Variants in PLEKHA5 observed in about 807,000 individuals in gnomAD.
The protein encoded by PLEKHA5 is pleckstrin homology domain-containing family A member 5.
In PLEKHA5, 55 loss-of-function variants were observed where a neutral mutation model predicts 181.9. The ratio of observed to expected loss-of-function variants is 0.30; its 90% CI spans 0.24 to 0.38. The LOEUF is 0.38. PLEKHA5 is among the 10% of genes least tolerant of loss of function. PLEKHA5 has a pLI of 1.00. For missense variants in PLEKHA5, 1,432 were observed against 1,549.5 expected (o/e 0.92, Z 1.27); for synonymous variants, 535 against 529.4 (o/e 1.01, Z -0.15).
intron 21 of PLEKHA5, among the ~76,000 whole-genome samples, chr12:19,337,386 C>A (rs909054056): frequency 6.6e-6 from 1 of 151,346 alleles, no homozygotes. Context: ...AACCCTGTCT[C>A]TACTATAAAT....
chr12:19,230,898 C>T (rs1171518073), intron 3 of PLEKHA5, among the ~76,000 whole-genome samples: 1 of 152,212 alleles, frequency 6.6e-6, no homozygotes, highest in African/African-American at 2.4e-5. Context: ...TGCCACCACA[C>T]TGTCACCTCT....
At chr12:19,283,240 C>A in intron 11 of PLEKHA5, 40 bp from the exon 12 acceptor site, 3 of 1,228,744 alleles carry the variant, frequency 2.4e-6, no homozygotes, top group East Asian at 2.6e-5. Context: ...GGAAAATAAC[C>A]CTCCTTCATG....
intron 3 of PLEKHA5, among the ~76,000 whole-genome samples, chr12:19,135,784 G>A (rs1469727794): frequency 6.6e-6 from 1 of 151,592 alleles, no homozygotes; most frequent in Non-Finnish European, 1.5e-5. Flanking sequence ...TTTAATACAA[G>A]TTTGCAGCTA....
intron 3 of PLEKHA5, among the ~76,000 whole-genome samples, chr12:19,165,723 G>A (rs2044200657): frequency 6.6e-6 from 1 of 152,114 alleles, no homozygotes; most frequent in Non-Finnish European, 1.5e-5. Flanking sequence ...CCTACACTTA[G>A]TAGTTTGTAC....
At chr12:19,303,471 A>G (rs1296193690) in intron 15 of PLEKHA5, 1 of 152,198 alleles carries the variant, frequency 6.6e-6, no homozygotes, top group South Asian at 2.1e-4. Context: ...TTTAAAAGCT[A>G]CTAAAGTAGC....
Position 19,290,804 on chromosome 12 carries a change from A to G in PLEKHA5, c.1983+8A>G, listed in dbSNP as rs2078234310. ...GAGGCCCACAGCCCAAAGGTCAGCT[A>G]TGGAGAGATTTGTCTGTGTCGTCTG... On this transcript the variant is annotated splice_region_variant and intron_variant, in intron 14 of 31. Transcript: ENST00000429027. 3.3e-6 allele frequency: 5 copies of G among 1,524,884 alleles called. No homozygotes were observed. Among genetic ancestry groups the G allele is most frequent in the Non-Finnish European group, 4.4e-6 (5 of 1,139,590 alleles). 94.5% of individuals were successfully genotyped at this position (1,524,884 alleles called of 1,614,324 possible). A position where few individuals can be genotyped will look rare whatever the true frequency, so the allele number is the denominator to read the frequency against.
At chr12:19,243,220 C>T (rs1459339376) in intron 3 of PLEKHA5, 1 of 152,366 alleles carries the variant, frequency 6.6e-6, no homozygotes, top group Non-Finnish European at 1.5e-5. Flanking sequence ...TGAGAAGTCT[C>T]ATTGGCTGTG....
intron 21 of PLEKHA5, among the ~76,000 whole-genome samples, chr12:19,339,262 A>G (rs890811911): frequency 3.3e-5 from 5 of 152,060 alleles, no homozygotes; most frequent in African/African-American, 1.2e-4. Flanking sequence ...GCTGGTCTTG[A>G]ACACCTGACC....
At chr12:19,158,931 A>G (rs1364092065) in intron 3 of PLEKHA5, among the ~76,000 whole-genome samples, 2 of 152,210 alleles carry the variant, frequency 1.3e-5, no homozygotes, top group African/African-American at 4.8e-5. Flanking sequence ...GTGATCAGAC[A>G]TCTCTATCAT....
intron 3 of PLEKHA5, among the ~76,000 whole-genome samples, chr12:19,193,075 A>G (rs1592006770): frequency 6.6e-6 from 1 of 152,180 alleles, no homozygotes; most frequent in South Asian, 2.1e-4. Flanking sequence ...AAATTTGTTG[A>G]CCCCTGTTTC....
intron 3 of PLEKHA5, among the ~76,000 whole-genome samples, chr12:19,179,466 T>C (rs913108387): frequency 2.0e-5 from 3 of 151,936 alleles, no homozygotes; most frequent in Non-Finnish European, 2.9e-5. Flanking sequence ...AGACCAGCCT[T>C]ACCAACATGG....
intron 7 of PLEKHA5, among the ~76,000 whole-genome samples, chr12:19,264,384 A>G (rs1378595856): frequency 6.6e-6 from 1 of 151,284 alleles, no homozygotes; most frequent in Admixed American, 6.6e-5. Context: ...ACATAGAAGG[A>G]TGTATTATTT....
At chr12:19,303,514 C>T (rs1357436156) in intron 15 of PLEKHA5, 1 of 152,226 alleles carries the variant, frequency 6.6e-6, no homozygotes, top group Admixed American at 6.5e-5. Context: ...ATAGTCCCAG[C>T]TACCAGGTAG....
At chr12:19,293,069 A>G (rs1219165609) in intron 15 of PLEKHA5, among the ~76,000 whole-genome samples, 1 of 152,156 alleles carries the variant, frequency 6.6e-6, no homozygotes, top group African/African-American at 2.4e-5. Flanking sequence ...ACATTTTTTT[A>G]TATAAATCAA....
At chr12:19,267,780 A>C (rs1231515743) in intron 8 of PLEKHA5, among the ~76,000 whole-genome samples, 1 of 151,842 alleles carries the variant, frequency 6.6e-6, no homozygotes, top group Admixed American at 6.6e-5. Context: ...CTTGACCAAC[A>C]TGGAAAAACC....
chr12:19,222,833 A>G (rs73347013), intron 3 of PLEKHA5, among the ~76,000 whole-genome samples: 1,648 of 152,106 alleles, frequency 0.011, 33 homozygotes, highest in African/African-American at 0.035. Context: ...TGCCAAAGAC[A>G]TTCACTCGAT....
Position 19,174,157 on chromosome 12 carries a change from AC to A in PLEKHA5, c.227+41708del, listed in dbSNP as rs542817105. Among the ~76,000 whole-genome samples, 1,299 of 152,338 alleles carry A rather than the reference AC, an allele frequency of 8.5e-3. 3 individuals carry two copies. The highest frequency in any genetic ancestry group is 0.014 in the Non-Finnish European group (985 of 68,034). On this transcript the variant is annotated intron_variant, in intron 3 of 31. Transcript: ENST00000429027. Reference sequence around the variant, plus strand: ...TTTTATTTTAAGATATTTCTTTAATACAAGGATTGAAAAATTAAAACAATGT... The same window carrying A: ...TTTTATTTTAAGATATTTCTTTAATAAAGGATTGAAAAATTAAAACAATGT...
At position 19,155,636 on chromosome 12, in the gene PLEKHA5, ATAT is replaced by A. The variant is rs367699607; in HGVS notation, c.227+23192_227+23194del. On this transcript the variant is annotated intron_variant, in intron 3 of 31. Coordinates refer to ENST00000429027, the MANE Select transcript of PLEKHA5 (RefSeq NM_001256470.2). ...TGTTAACCATAGTCTTGGACATAAA[ATAT>A]TATTAGTCTTTATCTTGAATTTGTT... Among the ~76,000 whole-genome samples the A allele has an allele frequency of 1.7e-3, 257 of 152,346 alleles. 3 individuals carry two copies. In the East Asian group the frequency reaches 0.026, roughly 15 times the overall value.
chr12:19,234,781 C>A (rs1048445205), intron 3 of PLEKHA5, among the ~76,000 whole-genome samples: 1 of 152,138 alleles, frequency 6.6e-6, no homozygotes, highest in African/African-American at 2.4e-5. Context: ...TGTTTTGTTA[C>A]AGCTGTCTGA....
Sources: allele counts gnomAD v4.1 joint callset (sites outside exome capture counted in the v4.1 genomes callset), GRCh38; gene constraint gnomAD v4.1.1; transcripts MANE v1.5; gene names NCBI Gene and HGNC (gene_info 2026-07-23, HGNC 2026-07-21).